NFATC1: variants seen among roughly 807,000 people sequenced by gnomAD.
NFATC1 encodes nuclear factor of activated T-cells, cytoplasmic 1.
Under a neutral mutation model 76.0 loss-of-function variants are expected in NFATC1, and 22 were observed. The ratio of observed to expected loss-of-function variants is 0.29; its 90% confidence interval spans 0.21 to 0.41. The LOEUF (loss-of-function observed/expected upper bound fraction) is 0.41. Among genes scored for constraint, NFATC1 ranks in the 10% least tolerant of loss-of-function variants. NFATC1 has a pLI of 1.00. For synonymous variants in NFATC1, 704 were observed against 613.1 expected, an observed-to-expected ratio of 1.15 and a Z score of -2.19; for missense variants, 1,357 against 1,337.7, an observed-to-expected ratio of 1.01 and a Z score of -0.23.
In NFATC1 at chr18:79,486,509, A is replaced by C. The variant is rs768769929; in HGVS notation, c.2354A>C (p.His785Pro). The C allele has an allele frequency of 6.2e-7, 1 of 1,603,748 alleles. No homozygotes were observed. Among genetic ancestry groups the C allele is most frequent in the East Asian group, 2.2e-5 (1 of 44,826 alleles). ...AYTKGVASPGHCHLGLPQPAG... is the reference protein window; with the variant it reads ...AYTKGVASPGPCHLGLPQPAG... ...ACCAAGGGCGTTGCCAGCCCGGGCC[A>C]CTGTCACCTCGGACTCCCGCAGCCG... The change falls in exon 9 of 10, where the codon CAC becomes CCC. Residue 785 changes from histidine to proline, a missense_variant. Physicochemically the swap from His to Pro is moderately conservative, Grantham distance 77. Transcript: ENST00000427363.
intron 9 of NFATC1, among the ~76,000 whole-genome samples, chr18:79,492,262 C>T (rs1333319730): frequency 2.6e-5 from 4 of 152,070 alleles, no homozygotes; most frequent in Non-Finnish European, 4.4e-5. Flanking sequence ...ACATCCTGTG[C>T]GTCTCAAAGA....
chr18:79,492,210 G>C (rs1190443366), intron 9 of NFATC1, among the ~76,000 whole-genome samples: 1 of 152,144 alleles, frequency 6.6e-6, no homozygotes, highest in Non-Finnish European at 1.5e-5. Context: ...CTCTGTGGCA[G>C]CCTCTGCTCA....
intron 6 of NFATC1, among the ~76,000 whole-genome samples, chr18:79,458,627 C>T (rs1052856411): frequency 6.6e-6 from 1 of 152,232 alleles, no homozygotes; most frequent in Non-Finnish European, 1.5e-5. Context: ...CTCCTGCACT[C>T]GGGCAGTTTC....
At chr18:79,412,984 C>A (rs111327473) in intron 2 of NFATC1, among the ~76,000 whole-genome samples, 1 of 152,148 alleles carries the variant, frequency 6.6e-6, no homozygotes, top group East Asian at 1.9e-4. Flanking sequence ...AATAAAAATC[C>A]CATTCAGTTG....
chr18:79,517,326 CTGTTT>C (rs2090407046), intron 9 of NFATC1, among the ~76,000 whole-genome samples: 1 of 152,166 alleles, frequency 6.6e-6, no homozygotes, highest in Non-Finnish European at 1.5e-5. Flanking sequence ...AATGTCTTTC[CTGTTT>C]TGTTTTGCTC....
chr18:79,427,846 G>C (rs11875024), intron 2 of NFATC1, among the ~76,000 whole-genome samples: 272 of 16,050 alleles, frequency 0.017, 3 homozygotes, highest in African/African-American at 0.04. Flanking sequence ...GGCCTCTGTG[G>C]GGTGGGTGTA....
intron 6 of NFATC1, among the ~76,000 whole-genome samples, chr18:79,460,909 C>A (rs2088034718): frequency 6.6e-6 from 1 of 152,228 alleles, no homozygotes; most frequent in Admixed American, 6.5e-5. Context: ...TGCTCCCCCT[C>A]ACACCTGCTC....
In NFATC1 at chr18:79,464,713, T is replaced by TATTTATTTATTTATTTA. The variant is rs1339032166; in HGVS notation, c.1960-2737_1960-2736insATTTATTTATTTATTTA. On this transcript the variant is annotated intron_variant, in intron 7 of 9. Coordinates refer to ENST00000427363, the MANE Select transcript of NFATC1 (RefSeq NM_001278669.2). ...ATATATATTTATTTATTTATTTATTTTTTTTTTTTTGAGACAGGGTCTTGC... is the reference window on the plus strand; with the variant it reads ...ATATATATTTATTTATTTATTTATTTATTTATTTATTTATTTATTTTTTTTTTGAGACAGGGTCTTGC... 1.6e-3 allele frequency among the ~76,000 whole-genome samples: 217 copies of TATTTATTTATTTATTTA among 134,016 alleles called. 11 individuals are homozygous for TATTTATTTATTTATTTA. Among genetic ancestry groups the TATTTATTTATTTATTTA allele is most frequent in the African/African-American group, 5.0e-3 (179 of 36,090 alleles). 87.9% of individuals were successfully genotyped at this position (134,016 alleles called of 152,430 possible).
At chr18:79,461,479 C>CA in intron 7 of NFATC1, 113 bp downstream of exon 7, 2 of 673,430 alleles carry the variant, frequency 3.0e-6, no homozygotes, top group Non-Finnish European at 4.3e-6. Context: ...GTTCCTGTTT[C>CA]TTAGAATGAA....
intron 2 of NFATC1, among the ~76,000 whole-genome samples, chr18:79,425,271 C>CTCTGTTTCTCTGTCTCTGTCTTTG (rs1555903020): frequency 9.0e-5 from 10 of 111,612 alleles, no homozygotes; most frequent in African/African-American, 3.0e-4. Context: ...GTCTCTGTCT[C>CTCTGTTTCTCTGTCTCTGTCTTTG]TCTCTCTGTC....
intron 9 of NFATC1, among the ~76,000 whole-genome samples, chr18:79,512,642 C>T (rs1211232553): frequency 6.6e-6 from 1 of 152,222 alleles, no homozygotes; most frequent in Non-Finnish European, 1.5e-5. Flanking sequence ...TCGGTGGGCC[C>T]CGTGTGCCTC....
intron 2 of NFATC1, among the ~76,000 whole-genome samples, chr18:79,424,201 C>T (rs889435396): frequency 2.6e-5 from 4 of 152,234 alleles, no homozygotes; most frequent in African/African-American, 9.6e-5. Context: ...CGCACAGATG[C>T]CGCCGCACTA....
At chr18:79,521,080 G>GGGA (rs2090540240) in intron 9 of NFATC1, among the ~76,000 whole-genome samples, 4 of 106,534 alleles carry the variant, frequency 3.8e-5, no homozygotes, top group South Asian at 4.0e-4. Flanking sequence ...TGTGTGTGGG[G>GGGA]GCATCCGCTG....
At chr18:79,458,987 C>T (rs540221796) in intron 6 of NFATC1, among the ~76,000 whole-genome samples, 1 of 152,356 alleles carries the variant, frequency 6.6e-6, no homozygotes, top group South Asian at 2.1e-4. Flanking sequence ...CTCACCCTCA[C>T]CCTGGTCGAC....
chr18:79,456,900 C>G (rs950629866), intron 6 of NFATC1, among the ~76,000 whole-genome samples: 1 of 152,224 alleles, frequency 6.6e-6, no homozygotes, highest in African/African-American at 2.4e-5. Context: ...CGGGCAGCCT[C>G]CCTGTGTGGA....
rs141202299 is a variant in NFATC1, at chr18:79,508,398, G to C, written c.2783-19130G>C. Among the ~76,000 whole-genome samples, 229 of 152,312 alleles carry C rather than the reference G, an allele frequency of 1.5e-3. 1 individual carries two copies. The highest frequency in any genetic ancestry group is 5.2e-3 in the African/African-American group (217 of 41,554). On this transcript the variant is annotated intron_variant, in intron 9 of 9. Transcript: ENST00000427363. ...CGGCGTGCGTGTGAGGGTTGGGTGA[G>C]GGGGCGCATGGGCAGGTGTTTTTTA...
At chr18:79,460,164 A>T (rs1476451528) in intron 6 of NFATC1, among the ~76,000 whole-genome samples, 1 of 152,252 alleles carries the variant, frequency 6.6e-6, no homozygotes, top group African/African-American at 2.4e-5. Flanking sequence ...TGTGACTCAC[A>T]TTTCCTCTCC....
At chr18:79,446,391 C>T (rs2087207401) in intron 3 of NFATC1, among the ~76,000 whole-genome samples, 1 of 152,154 alleles carries the variant, frequency 6.6e-6, no homozygotes. Context: ...GGTGCCCCTC[C>T]CCCACCCCCC....
At chr18:79,440,134 G>T (rs930494309) in intron 3 of NFATC1, among the ~76,000 whole-genome samples, 3 of 152,164 alleles carry the variant, frequency 2.0e-5, no homozygotes, top group African/African-American at 4.8e-5. Flanking sequence ...GAAATACGAG[G>T]CGCATGAGTG....
Sources: allele counts gnomAD v4.1 joint callset (sites outside exome capture counted in the v4.1 genomes callset), GRCh38; gene constraint gnomAD v4.1.1; transcripts MANE v1.5; gene names NCBI Gene and HGNC (gene_info 2026-07-23, HGNC 2026-07-21).